Variants in MRNIP observed in about 807,000 individuals in gnomAD.
MRNIP encodes the protein MRN complex-interacting protein.
Under a neutral mutation model 29.8 loss-of-function variants are expected in MRNIP, and 30 were observed. The ratio of observed to expected loss-of-function variants is 1.01; its 90% CI spans 0.75 to 1.36. MRNIP has a LOEUF of 1.36. MRNIP is among the 40% of genes most tolerant of loss of function. MRNIP has a pLI of 0.00. For missense variants in MRNIP, 459 were observed against 423.5 expected, an observed-to-expected ratio of 1.08 and a Z score of -0.74; for synonymous variants, 201 against 164.1, an observed-to-expected ratio of 1.23 and a Z score of -1.72.
At chr5:179,838,343 G>GTC (rs1758710335) in intron 6 of MRNIP, 1 of 183,528 alleles carries the variant, frequency 5.4e-6, no homozygotes, top group Non-Finnish European at 1.2e-5. Flanking sequence ...TGGTGCTGGG[G>GTC]TCTGGCTTCT....
At chr5:179,840,589 C>T (rs1251124875) in intron 6 of MRNIP, 1 of 567,456 alleles carries the variant, frequency 1.8e-6, no homozygotes, top group Admixed American at 3.2e-5. Flanking sequence ...ATGGCCCTGA[C>T]CCATCGTCAG....
chr5:179,845,488 T>C (rs561533231), intron 3 of MRNIP, among the ~76,000 whole-genome samples: 1 of 150,952 alleles, frequency 6.6e-6, no homozygotes, highest in East Asian at 2.0e-4. Flanking sequence ...ACTTTTAAGT[T>C]CTACAAACTC....
At position 179,842,699 on chromosome 5, in the gene MRNIP, C is replaced by CAAAAAAAAAA. The variant is rs58952171; in HGVS notation, c.292-645_292-636dup. Among the ~76,000 whole-genome samples the CAAAAAAAAAA allele has an allele frequency of 1.7e-3, 49 of 29,000 alleles. 2 individuals are homozygous for CAAAAAAAAAA. The highest frequency in any genetic ancestry group is 5.8e-3 in the African/African-American group (33 of 5,724). The allele number at this position is 29,000 out of a possible 152,430, so 19.0% of individuals were successfully genotyped here. A position where few individuals can be genotyped will look rare whatever the true frequency, so the allele number is the denominator to read the frequency against. The stretch of plus-strand genomic sequence containing the variant: ...TGGGGGGCAGAGCGAGACTCCGTCT[C>CAAAAAAAAAA]AAAAAAAAAAAAAAAAAAAAAAAAA... On this transcript the variant is annotated intron_variant, in intron 4 of 6. Transcript: ENST00000292586.
Position 179,858,764 on chromosome 5 carries a change from G to C in MRNIP, c.33C>G (p.Arg11=), listed in dbSNP as rs1305745236. 1.2e-5 allele frequency: 18 copies of C among 1,538,420 alleles called. No individual in the cohort carries two copies. The highest frequency in any genetic ancestry group is 5.5e-5 in the African/African-American group (4 of 72,764). Residue 11 remains arginine (R), a synonymous_variant, in exon 1 of 7, where the codon CGC becomes CGG. Coordinates refer to ENST00000292586, the MANE Select transcript of MRNIP (RefSeq NM_016175.4). ...CCTGGAAGAGGCGGCAGCTGCAGCA[G>C]CGTAGCACCCGAGAACGCTGAAGCG... The part of the protein sequence containing the change: MASLQRSRVL[R]CCSCRLFQAH...
intron 4 of MRNIP, among the ~76,000 whole-genome samples, chr5:179,842,884 T>C (rs1412425591): frequency 1.3e-5 from 2 of 148,690 alleles, no homozygotes; most frequent in African/African-American, 5.0e-5. Flanking sequence ...AATACAAAAA[T>C]TAGCCGGGCG....
chr5:179,843,054 GAA>G (rs1491356896), intron 4 of MRNIP, among the ~76,000 whole-genome samples: 166 of 130,710 alleles, frequency 1.3e-3, no homozygotes, highest in East Asian at 2.2e-3. Context: ...AGGAAGGAAG[GAA>G]GGAAGGGAGG....
At chr5:179,847,140 T>C (rs937989409) in intron 3 of MRNIP, 3 of 151,280 alleles carry the variant, frequency 2.0e-5, no homozygotes, top group Admixed American at 6.6e-5. Flanking sequence ...TTCTTCATTT[T>C]TGACCTCTGA....
At chr5:179,837,965 T>C in intron 6 of MRNIP, 80 bp from the exon 7 acceptor site, 2 of 1,366,770 alleles carry the variant, frequency 1.5e-6, no homozygotes, top group Non-Finnish European at 2.0e-6. Context: ...TGCCTGGGCC[T>C]TGGCTGGGCC....
chr5:179,841,819 G>T, intron 5 of MRNIP, 88 bp downstream of exon 5: 3 of 1,412,112 alleles, frequency 2.1e-6, no homozygotes, highest in African/African-American at 1.4e-5. Flanking sequence ...CCCGCGCTTG[G>T]CTGACGCTCA....
chr5:179,842,142 G>A, intron 4 of MRNIP, 78 bp from the exon 5 acceptor site: 3 of 1,417,796 alleles, frequency 2.1e-6, no homozygotes, highest in Non-Finnish European at 2.9e-6. Context: ...CCCAACTCTT[G>A]GGCCTGAGGA....
chr5:179,837,941 A>T, intron 6 of MRNIP, 56 bp from the exon 7 acceptor site: 1 of 1,535,916 alleles, frequency 6.5e-7, no homozygotes, highest in South Asian at 1.2e-5. Flanking sequence ...AGGGCCCAGG[A>T]GGACCGCCTG....
rs558712192 is a variant in MRNIP at position 179,858,749 on chromosome 5, G to A, written c.48C>T (p.Arg16=). ...RSRVLRCCSC[R]LFQAHQVKKS... is the part of the protein sequence containing the mutation. ...GCCAGACCTGGTGCGCCTGGAAGAG[G>A]CGGCAGCTGCAGCAGCGTAGCACCC... The change falls in exon 1 of 7, where the codon CGC becomes CGT. Residue 16 remains arginine (R), a synonymous_variant. Coordinates refer to ENST00000292586, the MANE Select transcript of MRNIP (RefSeq NM_016175.4). 95 of 1,532,880 alleles carry A rather than the reference G, an allele frequency of 6.2e-5. No homozygotes were observed. The highest frequency in any genetic ancestry group is 5.2e-4 in the South Asian group (43 of 82,204). The allele number at this position is 1,532,880 out of a possible 1,614,324, so 95.0% of individuals were successfully genotyped here.
At chr5:179,853,543 G>A (rs377432233) in intron 1 of MRNIP, 106 bp from the exon 2 acceptor site, 57 of 840,222 alleles carry the variant, frequency 6.8e-5, no homozygotes, top group East Asian at 4.2e-4. Flanking sequence ...GGAGGCCGAG[G>A]CGGGCAGATC....
At chr5:179,842,252 C>T (rs1366123946) in intron 4 of MRNIP, among the ~76,000 whole-genome samples, 188 bp from the exon 5 acceptor site, 1 of 152,124 alleles carries the variant, frequency 6.6e-6, no homozygotes, top group Non-Finnish European at 1.5e-5. Context: ...CTCACTGGCA[C>T]AGGCCTCGGG....
At chr5:179,845,979 C>G (rs1368266482) in intron 3 of MRNIP, 1 of 152,146 alleles carries the variant, frequency 6.6e-6, no homozygotes, top group Admixed American at 6.6e-5. Context: ...TCGAAGAGGA[C>G]GACCACCTCC....
rs1243162974 is a variant in MRNIP, at chr5:179,844,247, T to C, written c.216-20A>G. Reference sequence around the variant, plus strand: ...AGAGACCTTCAGGGAAGACCATACATATGCCCTTTGAAAAATGACCAGGGG... The same window carrying C: ...AGAGACCTTCAGGGAAGACCATACACATGCCCTTTGAAAAATGACCAGGGG... On this transcript the variant is annotated intron_variant, in intron 3 of 6. Transcript: ENST00000292586. 3.7e-6 allele frequency: 6 copies of C among 1,606,642 alleles called. No homozygotes were observed. Among genetic ancestry groups the C allele is most frequent in the African/African-American group, 1.3e-5 (1 of 74,792 alleles).
At chr5:179,843,676 G>A (rs962056763) in intron 4 of MRNIP, among the ~76,000 whole-genome samples, 2 of 152,134 alleles carry the variant, frequency 1.3e-5, no homozygotes, top group Non-Finnish European at 2.9e-5. Flanking sequence ...GGAAGTCAAG[G>A]CTGCAGAGAA....
chr5:179,841,912 T>C lies in MRNIP; in HGVS notation c.444A>G (p.Arg148=), dbSNP rs1376528052. 3 of 1,613,612 alleles carry C rather than the reference T, an allele frequency of 1.9e-6. No homozygotes were observed. The highest frequency in any genetic ancestry group is 2.7e-5 in the African/African-American group (2 of 74,912). ...AACGGAGACGCACTTGGTACCTTTT[T>C]CTAGGCAGGTCTTGACTGAAGCGGG... The part of the protein sequence containing the change: ...PGPRFSQDLP[R]KRKWSRSTVQ... Residue 148 remains arginine (R), a synonymous_variant, in exon 5 of 7, where the codon AGA becomes AGG. Coordinates refer to ENST00000292586, the MANE Select transcript of MRNIP (RefSeq NM_016175.4).
At chr5:179,845,933 G>A (rs155792) in intron 3 of MRNIP, 9,580 of 152,198 alleles carry the variant, frequency 0.063, 342 homozygotes, top group Middle Eastern at 0.13. Flanking sequence ...TTCCCTCACC[G>A]CTCCATGTGC....
Sources: gnomAD v4.1 joint callset for allele counts (sites outside exome capture counted in the v4.1 genomes callset) on GRCh38, gnomAD v4.1.1 for gene constraint, MANE v1.5 for transcripts, NCBI Gene and HGNC (gene_info 2026-07-23, HGNC 2026-07-21) for gene names.